Variants in PDGFRL observed in about 807,000 individuals in gnomAD.
PDGFRL encodes the protein platelet-derived growth factor receptor-like protein.
PDGFRL carries 46 observed loss-of-function variants against 37.2 expected under a neutral mutation model. The observed-to-expected ratio is 1.24, with a 90% confidence interval of 0.98 to 1.58. The LOEUF (loss-of-function observed/expected upper bound fraction) is 1.58, where lower values mean the gene tolerates loss of function less well. Ranked by LOEUF, PDGFRL falls within the 40% of genes most tolerant of loss-of-function variation. PDGFRL has a pLI of 0.00. For missense variants in PDGFRL, 692 were observed against 467.6 expected, an observed-to-expected ratio of 1.48 and a Z score of -4.43; for synonymous variants, 251 against 184.3, an observed-to-expected ratio of 1.36 and a Z score of -2.93.
At chr8:17,577,081 C>CCAAAAAAAAAAAAAAAAAAAAAA (rs1563499525), upstream of PDGFRL, 1 of 109,448 alleles carries the variant, frequency 9.1e-6, no homozygotes. Flanking sequence ...ACACAGAGAA[C>CCAAAAAAAAAAAAAAAAAAAAAA]TAAAAAAAAA....
intron 2 of PDGFRL, among the ~76,000 whole-genome samples, chr8:17,619,964 G>A (rs936033488): frequency 2.6e-5 from 4 of 152,080 alleles, no homozygotes; most frequent in Admixed American, 6.6e-5. Flanking sequence ...TATCAGAAAC[G>A]TACTCTTTAT....
At chr8:17,638,767 ATATATATAT>A (rs1563532484) in intron 5 of PDGFRL, among the ~76,000 whole-genome samples, 2 of 118,210 alleles carry the variant, frequency 1.7e-5, no homozygotes, top group East Asian at 2.7e-4. Context: ...ATATATATAT[ATATATATAT>A]ATATATATAT....
At chr8:17,613,143 A>G (rs1429082064) in intron 2 of PDGFRL, among the ~76,000 whole-genome samples, 1 of 152,142 alleles carries the variant, frequency 6.6e-6, no homozygotes, top group African/African-American at 2.4e-5. Context: ...TGCGGTAGCT[A>G]ACATCTAGGT....
intron 3 of PDGFRL, among the ~76,000 whole-genome samples, chr8:17,622,536 A>G (rs1804655268): frequency 6.6e-6 from 1 of 152,224 alleles, no homozygotes; most frequent in Non-Finnish European, 1.5e-5. Context: ...CCTCTCTGGC[A>G]AGGAGATGCA....
At chr8:17,588,661 A>G (rs998818257) in intron 1 of PDGFRL, among the ~76,000 whole-genome samples, 5 of 152,282 alleles carry the variant, frequency 3.3e-5, no homozygotes, top group African/African-American at 1.2e-4. Flanking sequence ...TGACAGAGTG[A>G]GATTCCGTTT....
chr8:17,616,665 C>A (rs375626226), intron 2 of PDGFRL, among the ~76,000 whole-genome samples: 1 of 152,106 alleles, frequency 6.6e-6, no homozygotes, highest in Non-Finnish European at 1.5e-5. Context: ...GTACCAAGAC[C>A]CTCTTGGCCT....
At chr8:17,587,181 G>A (rs926557057) in intron 1 of PDGFRL, among the ~76,000 whole-genome samples, 1 of 152,192 alleles carries the variant, frequency 6.6e-6, no homozygotes, top group Non-Finnish European at 1.5e-5. Context: ...TGGTCAGGCA[G>A]CTGGACCAGC....
intron 1 of PDGFRL, among the ~76,000 whole-genome samples, chr8:17,582,065 A>C (rs1185289850): frequency 2.0e-5 from 3 of 152,156 alleles, no homozygotes; most frequent in Non-Finnish European, 4.4e-5. Context: ...TGTTGATAGA[A>C]ATATAGACAG....
At chr8:17,634,625 A>G (rs947557911) in intron 5 of PDGFRL, among the ~76,000 whole-genome samples, 1 of 152,208 alleles carries the variant, frequency 6.6e-6, no homozygotes, top group African/African-American at 2.4e-5. Context: ...ACACCAAAGA[A>G]TACTATGCAG....
intron 4 of PDGFRL, among the ~76,000 whole-genome samples, chr8:17,631,778 T>G (rs1240665342): frequency 6.6e-6 from 1 of 152,162 alleles, no homozygotes; most frequent in African/African-American, 2.4e-5. Flanking sequence ...GGCTCCATTT[T>G]TCCCAGCTTC....
intron 1 of PDGFRL, among the ~76,000 whole-genome samples, chr8:17,586,746 TAC>T (rs369066545): frequency 2.8e-4 from 43 of 152,344 alleles, no homozygotes; most frequent in African/African-American, 9.6e-4. Flanking sequence ...CAGTAATTAT[TAC>T]AGTTATTATG....
intron 3 of PDGFRL, among the ~76,000 whole-genome samples, chr8:17,622,968 T>A (rs1804662257): frequency 2.0e-5 from 3 of 152,212 alleles, no homozygotes; most frequent in Admixed American, 6.5e-5. Context: ...GCAAGACCCC[T>A]GTGCACAATG....
chr8:17,586,383 C>T (rs117021639), intron 1 of PDGFRL, among the ~76,000 whole-genome samples: 2,572 of 152,250 alleles, frequency 0.017, 32 homozygotes, highest in Non-Finnish European at 0.026. Context: ...CTTGGAACTC[C>T]ATGTCACATC....
intron 4 of PDGFRL, among the ~76,000 whole-genome samples, chr8:17,629,149 C>G (rs1585331425): frequency 6.8e-6 from 1 of 147,076 alleles, no homozygotes; most frequent in Non-Finnish European, 1.5e-5. Flanking sequence ...GGGCTGGTCT[C>G]GACCTCCTGG....
chr8:17,624,517 C>T (rs781406987), intron 3 of PDGFRL, among the ~76,000 whole-genome samples: 1 of 152,176 alleles, frequency 6.6e-6, no homozygotes, highest in Non-Finnish European at 1.5e-5. Flanking sequence ...ATGTAACTCC[C>T]ACCCAGATCA....
intron 1 of PDGFRL, among the ~76,000 whole-genome samples, chr8:17,586,426 G>A (rs1803818638): frequency 6.6e-6 from 1 of 152,158 alleles, no homozygotes; most frequent in South Asian, 2.1e-4. Context: ...TGAGATTTGT[G>A]CAAATAAAGT....
rs1804935317 is a variant in PDGFRL, at chr8:17,634,748, T to G, written c.939+535T>G. On this transcript the variant is annotated intron_variant, in intron 5 of 5. Coordinates refer to ENST00000251630, the MANE Select transcript of PDGFRL (RefSeq NM_001372073.1). ...AAACCAAATACCTCATGTTCTCACT[T>G]TTAAGTGGGAGCTAAATGATTAGAC... 3.3e-5 allele frequency among the ~76,000 whole-genome samples: 5 copies of G among 152,214 alleles called. No individual in the cohort carries two copies. In the South Asian group the frequency reaches 1.0e-3, roughly 32 times the overall value.
intron 1 of PDGFRL, among the ~76,000 whole-genome samples, chr8:17,581,681 C>T (rs1428713116): frequency 1.3e-5 from 2 of 152,150 alleles, no homozygotes; most frequent in East Asian, 1.9e-4. Flanking sequence ...CCTCCCACCG[C>T]ACCATGTGAT....
chr8:17,630,748 G>A (rs1410694653), intron 4 of PDGFRL, among the ~76,000 whole-genome samples: 1 of 152,180 alleles, frequency 6.6e-6, no homozygotes, highest in African/African-American at 2.4e-5. Context: ...GACCTGGCTT[G>A]TTGTCTGTTA....
Sources: gnomAD v4.1 joint callset for allele counts (sites outside exome capture counted in the v4.1 genomes callset) on GRCh38, gnomAD v4.1.1 for gene constraint, MANE v1.5 for transcripts, NCBI Gene and HGNC (gene_info 2026-07-23, HGNC 2026-07-21) for gene names.